Variants in GRID1 observed in about 807,000 individuals in gnomAD.
The protein encoded by GRID1 is glutamate ionotropic receptor delta type subunit 1.
GRID1 carries 28 observed loss-of-function variants against 98.0 expected under a neutral mutation model. The ratio of observed to expected loss-of-function variants is 0.29; its 90% CI spans 0.21 to 0.39. GRID1 has a LOEUF of 0.39. GRID1 is among the 10% of genes least tolerant of loss of function. GRID1 has a pLI of 1.00. For missense variants in GRID1, 1,111 were observed against 1,340.5 expected (o/e 0.83, Z 2.67); for synonymous variants, 553 against 538.5 (o/e 1.03, Z -0.37).
At chr10:86,047,095 C>G (rs1318673480) in intron 4 of GRID1, among the ~76,000 whole-genome samples, 1 of 152,190 alleles carries the variant, frequency 6.6e-6, no homozygotes, top group Non-Finnish European at 1.5e-5. Context: ...GCTGCTCATT[C>G]TCAAAACTAA....
At chr10:85,920,362 G>T (rs1311644666) in intron 4 of GRID1, among the ~76,000 whole-genome samples, 2 of 152,148 alleles carry the variant, frequency 1.3e-5, no homozygotes, top group Admixed American at 6.5e-5. Flanking sequence ...TCAGCGCAAA[G>T]TTCCTCCCGT....
chr10:86,007,630 A>G (rs372312764), intron 4 of GRID1, among the ~76,000 whole-genome samples: 2 of 152,282 alleles, frequency 1.3e-5, no homozygotes, highest in East Asian at 3.9e-4. Context: ...AAGTCAATTA[A>G]AAAAATTAAA....
At chr10:85,801,159 ATTTG>A (rs1219427199) in intron 8 of GRID1, among the ~76,000 whole-genome samples, 1 of 152,060 alleles carries the variant, frequency 6.6e-6, no homozygotes, top group Non-Finnish European at 1.5e-5. Flanking sequence ...AAGTTAGAAA[ATTTG>A]TTTGTTAAAG....
At chr10:86,167,841 GA>G (rs1426485595) in intron 3 of GRID1, among the ~76,000 whole-genome samples, 2 of 152,194 alleles carry the variant, frequency 1.3e-5, no homozygotes, top group African/African-American at 4.8e-5. Flanking sequence ...AGGCTCTCAG[GA>G]GACATCTGTG....
chr10:86,080,194 C>T (rs189716260), intron 4 of GRID1, among the ~76,000 whole-genome samples: 1,765 of 151,514 alleles, frequency 0.012, 39 homozygotes, highest in African/African-American at 0.041. Context: ...ATTAGCTGGG[C>T]GTGGTGGCAC....
rs376987767 is a variant in GRID1, at chr10:86,057,817, G to T, written c.726+81002C>A. 3.5e-4 allele frequency among the ~76,000 whole-genome samples: 53 copies of T among 152,182 alleles called. 1 individual carries two copies. The highest frequency in any genetic ancestry group is 1.3e-3 in the African/African-American group (52 of 41,446). ...ACTTTATTCTCCTGGCCATGGAACT[G>T]TTTAGTTAATGTCTGTCTTTCCCAC... On this transcript the variant is annotated intron_variant, in intron 4 of 15. Transcript: ENST00000327946.
intron 4 of GRID1, among the ~76,000 whole-genome samples, chr10:86,103,645 C>T (rs1844334087): frequency 6.6e-6 from 1 of 152,224 alleles, no homozygotes; most frequent in Non-Finnish European, 1.5e-5. Flanking sequence ...AACAGGCTCC[C>T]CTTCATTCCA....
chr10:86,183,263 A>G (rs1845682066), intron 3 of GRID1, among the ~76,000 whole-genome samples: 1 of 152,150 alleles, frequency 6.6e-6, no homozygotes, highest in Non-Finnish European at 1.5e-5. Context: ...TTTGAAATTC[A>G]TCCATGTTGT....
At chr10:85,776,924 A>T (rs1842336855) in intron 8 of GRID1, among the ~76,000 whole-genome samples, 1 of 152,236 alleles carries the variant, frequency 6.6e-6, no homozygotes, top group African/African-American at 2.4e-5. Context: ...AAAGCAGACC[A>T]CAGTGAGAGG....
At chr10:85,604,635 A>T (rs1261370102) in intron 15 of GRID1, among the ~76,000 whole-genome samples, 1 of 152,222 alleles carries the variant, frequency 6.6e-6, no homozygotes, top group Non-Finnish European at 1.5e-5. Flanking sequence ...TGAAATGTTT[A>T]TGCTGACTCC....
intron 12 of GRID1, among the ~76,000 whole-genome samples, chr10:85,688,536 C>A (rs1386141888): frequency 6.6e-6 from 1 of 152,068 alleles, no homozygotes; most frequent in African/African-American, 2.4e-5. Context: ...GATTTAAACA[C>A]CCCCCAAAGC....
chr10:86,045,304 A>G (rs962700443), intron 4 of GRID1, among the ~76,000 whole-genome samples: 1 of 152,232 alleles, frequency 6.6e-6, no homozygotes, highest in Non-Finnish European at 1.5e-5. Context: ...ACTTGCAACC[A>G]CTGCAGTGGC....
chr10:86,268,716 C>T (rs10788486), intron 2 of GRID1, among the ~76,000 whole-genome samples: 78,418 of 151,826 alleles, frequency 0.52, 23,909 homozygotes, highest in Non-Finnish European at 0.67. Context: ...TGGAGCCGGG[C>T]GCAGTGGCTC....
intron 4 of GRID1, among the ~76,000 whole-genome samples, chr10:86,023,961 G>A (rs1843082960): frequency 6.6e-6 from 1 of 152,136 alleles, no homozygotes; most frequent in Admixed American, 6.5e-5. Context: ...TGTATGCCTA[G>A]GCCATGAGTG....
chr10:85,728,052 C>T lies in GRID1; in HGVS notation c.1336G>A (p.Glu446Lys). The T allele has an allele frequency of 6.2e-7, 1 of 1,605,858 alleles. No individual in the cohort carries two copies. The highest frequency in any genetic ancestry group is 8.5e-7 in the Non-Finnish European group (1 of 1,172,600). Residue 446 changes from glutamate (E) to lysine (K), a missense_variant and splice_region_variant, in exon 10 of 16, where the codon GAA (glutamate) becomes AAA (lysine). Physicochemically the swap from Glu to Lys is moderately conservative, Grantham distance 56. Transcript: ENST00000327946. ...TCAGCCACCATCACGAAAGGCTCTTCCTGAGGACAACAGAATGAAGGTTCT... is the reference window on the plus strand; with the variant it reads ...TCAGCCACCATCACGAAAGGCTCTTTCTGAGGACAACAGAATGAAGGTTCT... ...GLTLKVVTVL[E>K]EPFVMVAENI...
At chr10:86,129,968 C>CTGGTCTCCTGGA (rs1844809439) in intron 4 of GRID1, among the ~76,000 whole-genome samples, 1 of 152,250 alleles carries the variant, frequency 6.6e-6, no homozygotes, top group African/African-American at 2.4e-5. Flanking sequence ...TGAGCACTCA[C>CTGGTCTCCTGGA]ACTTGGTCTC....
At chr10:85,960,205 T>C (rs1444038494) in intron 4 of GRID1, among the ~76,000 whole-genome samples, 1 of 152,224 alleles carries the variant, frequency 6.6e-6, no homozygotes, top group Non-Finnish European at 1.5e-5. Context: ...CAGCCTCTTC[T>C]GGGTCAATAT....
chr10:86,074,038 G>A (rs1252613581), intron 4 of GRID1, among the ~76,000 whole-genome samples: 1 of 136,442 alleles, frequency 7.3e-6, no homozygotes, highest in Non-Finnish European at 1.6e-5. Context: ...AGTGGAGATA[G>A]CTCAATAGTC....
chr10:86,225,101 C>T (rs762807287), intron 2 of GRID1, among the ~76,000 whole-genome samples: 6 of 152,186 alleles, frequency 3.9e-5, no homozygotes, highest in Non-Finnish European at 8.8e-5. Context: ...CCTACAGAAC[C>T]CTGACTCCAG....
Sources: gnomAD v4.1 joint callset for allele counts (sites outside exome capture counted in the v4.1 genomes callset) on GRCh38, gnomAD v4.1.1 for gene constraint, MANE v1.5 for transcripts, NCBI Gene and HGNC (gene_info 2026-07-23, HGNC 2026-07-21) for gene names.